The following CERT1 variants were observed in gnomAD, a reference collection of about 807,000 sequenced individuals.
The protein encoded by CERT1 is ceramide transfer protein.
A neutral mutation model predicts 87.9 loss-of-function variants in CERT1; 31 were observed. The ratio of observed to expected loss-of-function variants is 0.35; its 90% CI spans 0.27 to 0.48. CERT1 has a LOEUF of 0.48. Ranked by LOEUF, CERT1 falls within the 20% of genes least tolerant of loss-of-function variation. CERT1 has a pLI of 0.99. For synonymous variants in CERT1, 289 were observed against 250.9 expected (o/e 1.15, Z -1.44); for missense variants, 487 against 758.0 (o/e 0.64, Z 4.20).
intron 5 of CERT1, among the ~76,000 whole-genome samples, chr5:75,421,280 T>C (rs1290724406): frequency 6.6e-6 from 1 of 152,242 alleles, no homozygotes; most frequent in Non-Finnish European, 1.5e-5. Flanking sequence ...CCCAATTCGA[T>C]ACCTTATTTC....
intron 3 of CERT1, among the ~76,000 whole-genome samples, chr5:75,456,663 CA>C (rs34320476): frequency 0.42 from 29,161 of 70,086 alleles, 3,002 homozygotes; most frequent in African/African-American, 0.52. Flanking sequence ...GACCTCATCT[CA>C]AAAAAAAAAA....
At chr5:75,486,794 C>T (rs1421142165) in intron 2 of CERT1, among the ~76,000 whole-genome samples, 1 of 151,978 alleles carries the variant, frequency 6.6e-6, no homozygotes, top group Non-Finnish European at 1.5e-5. Context: ...AAGATCTCTA[C>T]AATGAAAACT....
intron 3 of CERT1, among the ~76,000 whole-genome samples, 196 bp from the exon 4 acceptor site, chr5:75,426,674 C>A (rs998870303): frequency 6.6e-6 from 1 of 152,094 alleles, no homozygotes; most frequent in African/African-American, 2.4e-5. Flanking sequence ...TATTGAATAC[C>A]TACTATGTGC....
At position 75,402,965 on chromosome 5, in the gene CERT1, GAT is replaced by G; in HGVS notation, c.1017+5_1017+6del. The G allele has an allele frequency of 6.4e-7, 1 of 1,561,508 alleles. No individual in the cohort carries two copies. The highest frequency in any genetic ancestry group is 2.2e-5 in the East Asian group (1 of 44,530). On this transcript the variant is annotated splice_donor_5th_base_variant and intron_variant, in intron 9 of 16. Coordinates refer to ENST00000643780, the MANE Select transcript of CERT1 (RefSeq NM_001379029.1). ...TTTCAGCTTAGAATTTTCAATAATA[GAT>G]ATACCTGTTCTTCTATTTTATCTTG... is the stretch of plus-strand genomic sequence containing the variant.
intron 3 of CERT1, among the ~76,000 whole-genome samples, chr5:75,456,898 AAC>A (rs1295705654): frequency 4.6e-5 from 7 of 152,190 alleles, no homozygotes. Flanking sequence ...AAAGGAAGAA[AAC>A]ACAAAACGGG....
Position 75,379,145 on chromosome 5 carries a change from G to A in CERT1, c.*201C>T. On this transcript the variant is annotated 3_prime_UTR_variant, in exon 17 of 17. Transcript: ENST00000643780. Reference sequence around the variant, plus strand: ...TGCAGTGAGCCGTGATGGTGTCATTGCACTTCAGCTTAGGAAACAGAGCAA... The same window carrying A: ...TGCAGTGAGCCGTGATGGTGTCATTACACTTCAGCTTAGGAAACAGAGCAA... The A allele has an allele frequency of 1.9e-6, 1 of 513,436 alleles. No homozygotes were observed. The highest frequency in any genetic ancestry group is 2.7e-5 in the South Asian group (1 of 37,318). The allele number at this position is 513,436 out of a possible 1,614,324, so 31.8% of individuals were successfully genotyped here.
chr5:75,420,725 G>A (rs1763343212), intron 5 of CERT1, among the ~76,000 whole-genome samples: 1 of 148,806 alleles, frequency 6.7e-6, no homozygotes, highest in African/African-American at 2.6e-5. Context: ...TACGCCACAT[G>A]CTTTAATTCT....
chr5:75,504,676 C>T (rs1021125050), intron 2 of CERT1, among the ~76,000 whole-genome samples: 5 of 151,632 alleles, frequency 3.3e-5, no homozygotes, highest in African/African-American at 1.2e-4. Context: ...TTTGTTTTAA[C>T]GTACCCATTT....
At position 75,410,919 on chromosome 5, in the gene CERT1, A is replaced by G. The variant is rs563189230; in HGVS notation, c.930+92T>C. On this transcript the variant is annotated intron_variant, in intron 8 of 16. Transcript: ENST00000643780. ...CTGAGGAAAAAATTATATATTTAGA[A>G]TATTTAAAGGTTACAAGAGTATTAT... is the stretch of plus-strand genomic sequence containing the variant. The G allele has an allele frequency of 3.2e-5, 19 of 598,618 alleles. No homozygotes were observed. The East Asian group carries it at 5.3e-4, about 17-fold the overall frequency. The allele number at this position is 598,618 out of a possible 1,614,324, so 37.1% of individuals were successfully genotyped here. A position where few individuals can be genotyped will look rare whatever the true frequency, so the allele number is the denominator to read the frequency against.
intron 8 of CERT1, among the ~76,000 whole-genome samples, chr5:75,409,841 TTTTTTTA>T (rs1309503724): frequency 6.6e-6 from 1 of 151,872 alleles, no homozygotes; most frequent in East Asian, 1.9e-4. Context: ...GTTTTTTTTT[TTTTTTTA>T]AAGAGACAAA....
chr5:75,487,140 G>A (rs896270036), intron 2 of CERT1, among the ~76,000 whole-genome samples: 2 of 152,060 alleles, frequency 1.3e-5, no homozygotes, highest in Admixed American at 1.3e-4. Flanking sequence ...CAGATATACA[G>A]ACCAGTGAAA....
intron 3 of CERT1, among the ~76,000 whole-genome samples, chr5:75,449,181 T>G (rs1764675542): frequency 6.6e-6 from 1 of 152,050 alleles, no homozygotes; most frequent in Non-Finnish European, 1.5e-5. Flanking sequence ...TACTAAGAGA[T>G]TAAGGCAGTT....
At position 75,494,233 on chromosome 5, in the gene CERT1, C is replaced by T. The variant is rs192723610; in HGVS notation, c.231+11749G>A. 1.3e-3 allele frequency among the ~76,000 whole-genome samples: 203 copies of T among 152,300 alleles called. 2 individuals are homozygous for T. Among genetic ancestry groups the T allele is most frequent in the African/African-American group, 4.7e-3 (194 of 41,570 alleles). On this transcript the variant is annotated intron_variant, in intron 2 of 16. Coordinates refer to ENST00000643780, the MANE Select transcript of CERT1 (RefSeq NM_001379029.1). ...AGTTTACCAAAAATGGGCTTCACCA[C>T]AGGATAATCTAGTTGGGCTACTTTG... is the stretch of plus-strand genomic sequence containing the variant.
At chr5:75,478,017 GA>G (rs1766049711) in intron 2 of CERT1, among the ~76,000 whole-genome samples, 1 of 152,088 alleles carries the variant, frequency 6.6e-6, no homozygotes, top group South Asian at 2.1e-4. Context: ...GAAATAAGAA[GA>G]TTAGAAGGAA....
chr5:75,385,599 T>C (rs746651847), intron 13 of CERT1, among the ~76,000 whole-genome samples: 1 of 152,244 alleles, frequency 6.6e-6, no homozygotes. Context: ...CTCCACCATA[T>C]AGCTCTTGTT....
At chr5:75,499,578 T>C (rs897344565) in intron 2 of CERT1, among the ~76,000 whole-genome samples, 3 of 152,194 alleles carry the variant, frequency 2.0e-5, no homozygotes, top group African/African-American at 4.8e-5. Flanking sequence ...CTTTTCTTTA[T>C]AAATTACCCA....
rs77620180 is a variant in CERT1, at chr5:75,467,093, A to C, written c.232-7912T>G. Among the ~76,000 whole-genome samples, 787 of 152,284 alleles carry C rather than the reference A, an allele frequency of 5.2e-3. 4 individuals are homozygous for C. The highest frequency in any genetic ancestry group is 7.6e-3 in the Admixed American group (116 of 15,302). ...AATGTCCTTCAATTGGTGAATGCCT[A>C]AACTGTGGTACAGAGATGGAATACT... On this transcript the variant is annotated intron_variant, in intron 2 of 16. Coordinates refer to ENST00000643780, the MANE Select transcript of CERT1 (RefSeq NM_001379029.1).
chr5:75,451,642 G>A (rs147576039), intron 3 of CERT1, among the ~76,000 whole-genome samples: 2 of 152,124 alleles, frequency 1.3e-5, no homozygotes, highest in Non-Finnish European at 2.9e-5. Flanking sequence ...TATAGAGAGG[G>A]TATCTGTTAA....
At chr5:75,384,977 GCAT>G (rs928940398) in intron 13 of CERT1, among the ~76,000 whole-genome samples, 4 of 152,098 alleles carry the variant, frequency 2.6e-5, no homozygotes, top group African/African-American at 9.7e-5. Flanking sequence ...AATCACCACT[GCAT>G]CACTCAGGCA....
Sources: gnomAD v4.1 joint callset for allele counts (sites outside exome capture counted in the v4.1 genomes callset) on GRCh38, gnomAD v4.1.1 for gene constraint, MANE v1.5 for transcripts, NCBI Gene and HGNC (gene_info 2026-07-23, HGNC 2026-07-21) for gene names.